The following FRMD4B variants were observed in gnomAD, a reference collection of about 807,000 sequenced individuals.
FRMD4B encodes the protein FERM domain containing 4B.
A neutral mutation model predicts 141.5 loss-of-function variants in FRMD4B; 74 were observed. The observed-to-expected ratio is 0.52, with a 90% CI of 0.43 to 0.63. The LOEUF is 0.63. Among genes scored for constraint, FRMD4B ranks in the 30% least tolerant of loss-of-function variants. FRMD4B has a pLI of 0.00. For missense variants in FRMD4B, 1,366 were observed against 1,253.4 expected, an observed-to-expected ratio of 1.09 and a Z score of -1.36; for synonymous variants, 506 against 467.9, an observed-to-expected ratio of 1.08 and a Z score of -1.05.
intron 1 of FRMD4B, chr3:69,536,604 C>T (rs1701090568): frequency 2.2e-6 from 2 of 926,666 alleles, no homozygotes; most frequent in Non-Finnish European, 3.5e-6. Context: ...GCAGCTCAGG[C>T]CTGGCTTTTC....
chr3:69,301,201 A>T (rs1225267693), intron 4 of FRMD4B, among the ~76,000 whole-genome samples: 5 of 152,256 alleles, frequency 3.3e-5, no homozygotes, highest in Admixed American at 6.5e-5. Flanking sequence ...AGTTTATCAT[A>T]AAATTTTTCA....
At chr3:69,532,737 G>C (rs1333533944) in intron 1 of FRMD4B, among the ~76,000 whole-genome samples, 1 of 152,214 alleles carries the variant, frequency 6.6e-6, no homozygotes, top group Non-Finnish European at 1.5e-5. Flanking sequence ...TCACATATGA[G>C]CCTTCTGCTC....
At chr3:69,377,800 C>A (rs1322035169) in intron 1 of FRMD4B, among the ~76,000 whole-genome samples, 1 of 147,652 alleles carries the variant, frequency 6.8e-6, no homozygotes, top group Non-Finnish European at 1.5e-5. Context: ...TCTGCTTAAT[C>A]CTACTTCTTC....
chr3:69,201,183 T>C (rs938635438), intron 11 of FRMD4B, among the ~76,000 whole-genome samples: 7 of 152,186 alleles, frequency 4.6e-5, no homozygotes, highest in African/African-American at 1.4e-4. Flanking sequence ...TCTTAAAAGT[T>C]TGTGCAAAGT....
At position 69,176,607 on chromosome 3, in the gene FRMD4B, C is replaced by T. The variant is rs1559683542; in HGVS notation, c.2901G>A (p.Gly967=). 3.1e-6 allele frequency: 5 copies of T among 1,605,914 alleles called. No individual in the cohort carries two copies. In the Admixed American group the frequency reaches 6.7e-5, roughly 21 times the overall value. ...SGNWRTQLTI[G]LSDYETPAHS... Reference sequence around the variant, plus strand: ...GTGCTGGAGTCTCGTAATCCGACAGCCCTATGGTTAACTGGGTCCTCCAGT... The same window carrying T: ...GTGCTGGAGTCTCGTAATCCGACAGTCCTATGGTTAACTGGGTCCTCCAGT... The change falls in exon 22 of 23, where the codon GGG becomes GGA. Residue 967 remains glycine (G), a synonymous_variant. Coordinates refer to ENST00000398540, the MANE Select transcript of FRMD4B (RefSeq NM_015123.3).
At position 69,366,265 on chromosome 3, in the gene FRMD4B, ACAAAAAC is replaced by A. The variant is rs1439921774; in HGVS notation, c.162+19556_162+19562del. Among the ~76,000 whole-genome samples, 211 of 147,708 alleles carry A rather than the reference ACAAAAAC, an allele frequency of 1.4e-3. 5 individuals are homozygous for A. The highest frequency in any genetic ancestry group is 5.0e-3 in the African/African-American group (194 of 38,880). On this transcript the variant is annotated intron_variant, in intron 1 of 22. Coordinates refer to ENST00000398540, the MANE Select transcript of FRMD4B (RefSeq NM_015123.3). ...ACAGAGCAAGGCTCTGTCTCAAAAA[ACAAAAAC>A]AAAAACAAAAACAAAAAAAATTGAC...
At chr3:69,343,782 A>C (rs750354355) in intron 1 of FRMD4B, among the ~76,000 whole-genome samples, 2 of 151,574 alleles carry the variant, frequency 1.3e-5, no homozygotes, top group Non-Finnish European at 2.9e-5. Context: ...GTCTCACCAC[A>C]TTAGCCAGGC....
At chr3:69,355,345 G>T (rs1361072302) in intron 1 of FRMD4B, among the ~76,000 whole-genome samples, 2 of 152,112 alleles carry the variant, frequency 1.3e-5, no homozygotes. Flanking sequence ...ATTTTATATA[G>T]GTTGACCCAA....
intron 1 of FRMD4B, among the ~76,000 whole-genome samples, chr3:69,521,844 CA>C (rs1700859575): frequency 6.6e-6 from 1 of 152,174 alleles, no homozygotes; most frequent in Admixed American, 6.5e-5. Context: ...GCTCCAAAGA[CA>C]AACTTTCCAC....
chr3:69,418,636 A>G (rs1704915504), intron 2 of FRMD4B, among the ~76,000 whole-genome samples: 1 of 152,194 alleles, frequency 6.6e-6, no homozygotes, highest in Non-Finnish European at 1.5e-5. Context: ...GGTGGCTTCC[A>G]GAAGCTGGGG....
chr3:69,245,989 C>T (rs1167909283), intron 7 of FRMD4B, among the ~76,000 whole-genome samples: 1 of 151,868 alleles, frequency 6.6e-6, no homozygotes, highest in Non-Finnish European at 1.5e-5. Flanking sequence ...AGGCATGTGC[C>T]ACCATGCCCA....
chr3:69,416,870 A>G (rs1704875347), intron 2 of FRMD4B, among the ~76,000 whole-genome samples: 1 of 152,172 alleles, frequency 6.6e-6, no homozygotes, highest in African/African-American at 2.4e-5. Flanking sequence ...GTCCCTGCAA[A>G]GGACATGAAC....
chr3:69,471,997 T>A (rs1705901016), intron 1 of FRMD4B: 1 of 155,252 alleles, frequency 6.4e-6, no homozygotes, highest in African/African-American at 2.4e-5. Flanking sequence ...TTGTCTTTTT[T>A]TTTTTTTTAT....
At chr3:69,304,175 C>CAAA (rs35528700) in intron 3 of FRMD4B, among the ~76,000 whole-genome samples, 3 of 106,266 alleles carry the variant, frequency 2.8e-5, no homozygotes, top group Admixed American at 9.9e-5. Flanking sequence ...TAACTTGTCT[C>CAAA]AAAAAAAAAA....
At chr3:69,321,717 TG>T (rs1702004330) in intron 1 of FRMD4B, among the ~76,000 whole-genome samples, 1 of 39,184 alleles carries the variant, frequency 2.6e-5, no homozygotes, top group African/African-American at 8.1e-5. Context: ...CATTCACAAA[TG>T]ATTTTTTTTT....
chr3:69,484,259 A>T (rs1706177777), intron 1 of FRMD4B, among the ~76,000 whole-genome samples: 1 of 152,210 alleles, frequency 6.6e-6, no homozygotes, highest in South Asian at 2.1e-4. Flanking sequence ...CCTCTGTAAG[A>T]TTGACTGCCC....
At chr3:69,245,797 G>A (rs1007139411) in intron 7 of FRMD4B, among the ~76,000 whole-genome samples, 1 of 149,440 alleles carries the variant, frequency 6.7e-6, no homozygotes, top group Non-Finnish European at 1.5e-5. Flanking sequence ...CCAAGTAGCT[G>A]GGACTACAGG....
intron 1 of FRMD4B, among the ~76,000 whole-genome samples, chr3:69,477,064 G>A (rs1400739436): frequency 6.6e-6 from 1 of 152,144 alleles, no homozygotes; most frequent in East Asian, 1.9e-4. Flanking sequence ...TGTATCCTGA[G>A]ACTTTGCTGA....
At chr3:69,303,275 G>A (rs915198542) in intron 3 of FRMD4B, among the ~76,000 whole-genome samples, 8 of 138,564 alleles carry the variant, frequency 5.8e-5, no homozygotes, top group Non-Finnish European at 1.3e-4. Flanking sequence ...CTATGATCAC[G>A]GCTGTGAACA....
Sources: allele counts gnomAD v4.1 joint callset (sites outside exome capture counted in the v4.1 genomes callset), GRCh38; gene constraint gnomAD v4.1.1; transcripts MANE v1.5; gene names NCBI Gene and HGNC (gene_info 2026-07-23, HGNC 2026-07-21).